Variants in PPP1CC observed in about 807,000 individuals in gnomAD.
PPP1CC encodes the protein protein phosphatase 1 catalytic subunit gamma.
PPP1CC carries 16 observed loss-of-function variants against 38.4 expected under a neutral mutation model. The ratio of observed to expected loss-of-function variants is 0.42; its 90% CI spans 0.28 to 0.63. The LOEUF (loss-of-function observed/expected upper bound fraction) is 0.63. PPP1CC is among the 30% of genes least tolerant of loss of function. The probability of loss-of-function intolerance (pLI) is 0.25; values close to 1 mark genes in which losing one functional copy is unlikely to be tolerated. For synonymous variants in PPP1CC, 158 were observed against 136.0 expected (o/e 1.16, Z -1.13); for missense variants, 170 against 391.3 (o/e 0.43, Z 4.77).
At position 110,730,604 on chromosome 12, in the gene PPP1CC, G is replaced by A. The variant is rs374221995; in HGVS notation, c.343C>T (p.Pro115Ser). The A allele has an allele frequency of 2.5e-6, 4 of 1,614,086 alleles. No individual in the cohort carries two copies. The highest frequency in any genetic ancestry group is 3.4e-6 in the Non-Finnish European group (4 of 1,179,992). ...CCTCTGAGAAGAAAAAAATTCTCAG[G>A]ATATTTTATTTTGTAGGCCAGTAAG... ...CLLLAYKIKY[P>S]ENFFLLRGNH... Residue 115 changes from proline to serine, a missense_variant, in exon 3 of 7, where the codon CCT (proline) becomes TCT (serine). Physicochemically the swap from Pro to Ser is moderately conservative, Grantham distance 74 (BLOSUM62 -1). Around this residue, in one of 3 missense-constraint regions of PPP1CC, gnomAD observed 117 missense variants for 344.4 expected, o/e 0.34. Coordinates refer to ENST00000335007, the MANE Select transcript of PPP1CC (RefSeq NM_002710.4).
intron 1 of PPP1CC, among the ~76,000 whole-genome samples, chr12:110,736,983 C>G (rs1332598905): frequency 1.3e-5 from 2 of 152,230 alleles, no homozygotes; most frequent in South Asian, 4.1e-4. Flanking sequence ...TAAAATAATC[C>G]TGTTAAAAAG....
At chr12:110,719,474 G>A (rs554679555), downstream of PPP1CC, among the ~76,000 whole-genome samples, 2 of 152,308 alleles carry the variant, frequency 1.3e-5, no homozygotes, top group African/African-American at 4.8e-5. Context: ...ATACATACTT[G>A]TGACAAAATA....
At chr12:110,731,729 C>G in intron 2 of PPP1CC, 41 bp downstream of exon 2, 10 of 1,580,138 alleles carry the variant, frequency 6.3e-6, no homozygotes, top group Non-Finnish European at 5.2e-6. Flanking sequence ...CTCAGTTAAT[C>G]AATCATGTAA....
chr12:110,720,077 T>C lies in PPP1CC; in HGVS notation c.*999A>G. On this transcript the variant is annotated 3_prime_UTR_variant, in exon 7 of 7. Coordinates refer to ENST00000335007, the MANE Select transcript of PPP1CC (RefSeq NM_002710.4). ...GTAAGTTAGTTCCTTTGTTTTAACT[T>C]ATAAGCCTCAACTTCACCGCAGAAT... 2 of 1,458,946 alleles carry C rather than the reference T, an allele frequency of 1.4e-6. No individual in the cohort carries two copies. Among genetic ancestry groups the C allele is most frequent in the East Asian group, 2.5e-5 (1 of 40,646 alleles). The allele number at this position is 1,458,946 out of a possible 1,614,324, so 90.4% of individuals were successfully genotyped here. A position where few individuals can be genotyped will look rare whatever the true frequency, so the allele number is the denominator to read the frequency against.
intron 1 of PPP1CC, among the ~76,000 whole-genome samples, chr12:110,737,683 G>A (rs2069963122): frequency 6.6e-6 from 1 of 151,870 alleles, no homozygotes; most frequent in Admixed American, 6.6e-5. Flanking sequence ...TGTGGTTCAC[G>A]CTTGTAATCC....
chr12:110,740,934 C>G (rs2070010375), intron 1 of PPP1CC, among the ~76,000 whole-genome samples: 1 of 152,130 alleles, frequency 6.6e-6, no homozygotes, highest in South Asian at 2.1e-4. Context: ...CAGAGATAAG[C>G]AGAATTTTAA....
intron 1 of PPP1CC, among the ~76,000 whole-genome samples, chr12:110,739,755 C>G (rs945349030): frequency 6.6e-6 from 1 of 151,746 alleles, no homozygotes; most frequent in Non-Finnish European, 1.5e-5. Flanking sequence ...ACCTGCTATG[C>G]AAAAAAAATG....
chr12:110,722,703 A>G lies in PPP1CC; in HGVS notation c.524-8T>C. The G allele has an allele frequency of 1.3e-6, 2 of 1,581,050 alleles. No individual in the cohort carries two copies. The highest frequency in any genetic ancestry group is 8.6e-7 in the Non-Finnish European group (1 of 1,166,228). Reference sequence around the variant, plus strand: ...GAAGATCTGGTGATAAACCTATTCAATGAGGAAAAAAAAAAAATGAAGAAA... The same window carrying G: ...GAAGATCTGGTGATAAACCTATTCAGTGAGGAAAAAAAAAAAATGAAGAAA... On this transcript the variant is annotated splice_polypyrimidine_tract_variant and splice_region_variant and intron_variant, in intron 4 of 6. Coordinates refer to ENST00000335007, the MANE Select transcript of PPP1CC (RefSeq NM_002710.4). The surrounding 1 kb of genome is among the most constrained non-coding windows in gnomAD (Gnocchi z 5.4).
chr12:110,733,931 T>C (rs1357041843), intron 1 of PPP1CC, among the ~76,000 whole-genome samples: 1 of 152,188 alleles, frequency 6.6e-6, no homozygotes, highest in East Asian at 1.9e-4. Flanking sequence ...AAAAGTTATA[T>C]AAAGATAGAA....
At chr12:110,740,132 T>A (rs2136570415) in intron 1 of PPP1CC, among the ~76,000 whole-genome samples, 1 of 152,298 alleles carries the variant, frequency 6.6e-6, no homozygotes, top group Non-Finnish European at 1.5e-5. Context: ...GTACTATTAC[T>A]CAGCTACTTC....
intron 2 of PPP1CC, among the ~76,000 whole-genome samples, chr12:110,731,338 TAA>T (rs1487354989): frequency 1.3e-5 from 2 of 152,100 alleles, no homozygotes; most frequent in Non-Finnish European, 2.9e-5. Context: ...CTCAAACGAA[TAA>T]AGTTTGGTTT....
At chr12:110,710,586 T>C in the PPP1CC span, among the ~76,000 whole-genome samples, 7 of 150,594 alleles carry the variant, frequency 4.6e-5, no homozygotes, top group Admixed American at 1.3e-4. Flanking sequence ...GGTGTGGTGG[T>C]GGGTGCCTGT....
At chr12:110,711,070 G>A in the PPP1CC span, among the ~76,000 whole-genome samples, 3 of 152,072 alleles carry the variant, frequency 2.0e-5, no homozygotes, top group Admixed American at 6.6e-5. Context: ...CAGCTGCTCA[G>A]GAGGCTGAGG....
intron 1 of PPP1CC, among the ~76,000 whole-genome samples, chr12:110,733,278 A>G (rs958734664): frequency 1.3e-5 from 2 of 152,212 alleles, no homozygotes; most frequent in African/African-American, 4.8e-5. Flanking sequence ...TTTGGCTAGG[A>G]AGGAAATCCT....
At chr12:110,715,028 A>G (rs1344483550), downstream of PPP1CC, among the ~76,000 whole-genome samples, 1 of 151,882 alleles carries the variant, frequency 6.6e-6, no homozygotes, top group Non-Finnish European at 1.5e-5. Context: ...AGGTCAAGCC[A>G]GTCTGTCCAA....
At chr12:110,741,784 T>A (rs2070019627) in intron 1 of PPP1CC, among the ~76,000 whole-genome samples, 1 of 152,082 alleles carries the variant, frequency 6.6e-6, no homozygotes, top group Admixed American at 6.5e-5. Context: ...GTTTCTTCTG[T>A]AAAATAACAA....
At chr12:110,709,405 T>C in the PPP1CC span, among the ~76,000 whole-genome samples, 7 of 151,678 alleles carry the variant, frequency 4.6e-5, no homozygotes, top group South Asian at 1.5e-3. Context: ...ATTTTTTGTA[T>C]TTTTAGTAGA....
At chr12:110,731,044 A>C (rs1053303489) in intron 2 of PPP1CC, among the ~76,000 whole-genome samples, 1 of 152,198 alleles carries the variant, frequency 6.6e-6, no homozygotes, top group African/African-American at 2.4e-5. Context: ...CCAAGCATGC[A>C]TTCTTGCCAA....
At chr12:110,714,688 C>T (rs1341586153), downstream of PPP1CC, among the ~76,000 whole-genome samples, 1 of 151,204 alleles carries the variant, frequency 6.6e-6, no homozygotes, top group East Asian at 1.9e-4. Context: ...CACCTGTAAT[C>T]CCAGCTACTT....
Sources: allele counts gnomAD v4.1 joint callset (sites outside exome capture counted in the v4.1 genomes callset), GRCh38; gene constraint gnomAD v4.1.1; regional missense constraint gnomAD v4.1.1; non-coding constraint Gnocchi (gnomAD v3.1); transcripts MANE v1.5; gene names NCBI Gene and HGNC (gene_info 2026-07-23, HGNC 2026-07-21).